The following CCNY variants were observed in gnomAD, a reference collection of about 807,000 sequenced individuals.
CCNY encodes cyclin Y, also known as cyclin-Y.
CCNY carries 19 observed loss-of-function variants against 42.8 expected under a neutral mutation model. The ratio of observed to expected loss-of-function variants is 0.44; its 90% confidence interval spans 0.31 to 0.65. The LOEUF (loss-of-function observed/expected upper bound fraction) is 0.65, where lower values mean the gene tolerates loss of function less well. CCNY is among the 30% of genes least tolerant of loss of function. The pLI is 0.07. For missense variants in CCNY, 370 were observed against 437.3 expected (o/e 0.85, Z 1.37); for synonymous variants, 165 against 162.7 (o/e 1.01, Z -0.11).
intron 1 of CCNY, among the ~76,000 whole-genome samples, chr10:35,394,562 C>T (rs1190458654): frequency 6.6e-6 from 1 of 152,186 alleles, no homozygotes; most frequent in Non-Finnish European, 1.5e-5. Flanking sequence ...ACACGGCCGG[C>T]TTCAAGGCAT....
chr10:35,406,884 G>A (rs762106151), intron 1 of CCNY, among the ~76,000 whole-genome samples: 4 of 151,828 alleles, frequency 2.6e-5, no homozygotes, highest in African/African-American at 9.7e-5. Context: ...CTCCGTCCCC[G>A]TCGGGGCGGC....
intron 1 of CCNY, among the ~76,000 whole-genome samples, chr10:35,429,526 C>A (rs903905301): frequency 2.6e-5 from 4 of 152,144 alleles, no homozygotes; most frequent in African/African-American, 9.7e-5. Context: ...TGACATGTGT[C>A]ATCCTAGGGT....
chr10:35,553,482 T>C (rs1219797206), intron 8 of CCNY, among the ~76,000 whole-genome samples: 3 of 152,226 alleles, frequency 2.0e-5, no homozygotes, highest in African/African-American at 7.2e-5. Context: ...GGTCCAGCAC[T>C]GATAGCAGCC....
intron 1 of CCNY, among the ~76,000 whole-genome samples, chr10:35,425,512 A>T (rs1838246879): frequency 6.6e-6 from 1 of 152,224 alleles, no homozygotes; most frequent in South Asian, 2.1e-4. Flanking sequence ...GAGTTATGGT[A>T]CATTCATAGA....
intron 3 of CCNY, among the ~76,000 whole-genome samples, chr10:35,512,625 A>T (rs933982139): frequency 7.5e-4 from 114 of 152,294 alleles, no homozygotes; most frequent in African/African-American, 2.7e-3. Flanking sequence ...TCAGAAAGAC[A>T]TTTTGAAGAA....
rs543872717 is a variant in CCNY, at chr10:35,259,775, G to A, written c.-9+9149G>A. ...GATCCGCCTGCCTCGGCCTCCCAAA[G>A]TGCTGGGATTACAGGCTTGAGCCAC... On this transcript the variant is annotated intron_variant, in intron 3 of 11. Transcript: ENST00000374706. 5.4e-5 allele frequency among the ~76,000 whole-genome samples: 8 copies of A among 149,468 alleles called. No individual in the cohort carries two copies. In the East Asian group the frequency reaches 7.9e-4, roughly 15 times the overall value.
chr10:35,549,521 C>T (rs113302920), intron 7 of CCNY, among the ~76,000 whole-genome samples: 7 of 127,898 alleles, frequency 5.5e-5, no homozygotes, highest in African/African-American at 9.0e-5. Context: ...CGTGACCCTG[C>T]GCTGCTCATG....
intron 7 of CCNY, among the ~76,000 whole-genome samples, chr10:35,536,877 C>T (rs758775171): frequency 2.6e-5 from 4 of 152,164 alleles, no homozygotes; most frequent in Non-Finnish European, 4.4e-5. Flanking sequence ...AGAAAAGAAA[C>T]ACCATTTTCT....
intron 3 of CCNY, among the ~76,000 whole-genome samples, chr10:35,288,951 C>T (rs1342499937): frequency 1.3e-5 from 2 of 152,148 alleles, no homozygotes; most frequent in African/African-American, 2.4e-5. Flanking sequence ...ATTCAATGTA[C>T]ATTTTAGAAT....
intron 3 of CCNY, among the ~76,000 whole-genome samples, chr10:35,258,933 TAA>T (rs56328003): frequency 1.9e-4 from 26 of 135,668 alleles, no homozygotes; most frequent in Non-Finnish European, 2.4e-4. Context: ...GAGACTGTCT[TAA>T]AAAAAAAAAA....
rs1335044093 is a variant in CCNY at position 35,466,486 on chromosome 10, G to T, written c.155-16918G>T. ...GTGATGATCAGGTATGGCAGCTAGC[G>T]AGAGCTTGCCAGTCCCAGTGTTGTG... On this transcript the variant is annotated intron_variant, in intron 1 of 9. Transcript: ENST00000374704. 3.9e-5 allele frequency among the ~76,000 whole-genome samples: 6 copies of T among 152,188 alleles called. No homozygotes were observed. In the East Asian group the frequency reaches 7.7e-4, roughly 20 times the overall value.
At chr10:35,501,375 A>G in intron 2 of CCNY, 126 bp from the exon 3 acceptor site, 1 of 744,702 alleles carries the variant, frequency 1.3e-6, no homozygotes, top group Admixed American at 1.9e-5. Context: ...TGTTTGATAA[A>G]TGAGCAAGTG....
At chr10:35,505,528 A>G (rs954023531) in intron 3 of CCNY, among the ~76,000 whole-genome samples, 2 of 152,182 alleles carry the variant, frequency 1.3e-5, no homozygotes, top group South Asian at 2.1e-4. Flanking sequence ...CATTATTATT[A>G]GTGGGACTTG....
intron 8 of CCNY, among the ~76,000 whole-genome samples, chr10:35,555,066 C>T (rs995058480): frequency 6.6e-6 from 1 of 152,178 alleles, no homozygotes; most frequent in Admixed American, 6.5e-5. Flanking sequence ...GAGGTACACA[C>T]TGCCCAGTTC....
At chr10:35,297,257 C>T (rs1416588699) in intron 3 of CCNY, among the ~76,000 whole-genome samples, 1 of 151,874 alleles carries the variant, frequency 6.6e-6, no homozygotes, top group Non-Finnish European at 1.5e-5. Flanking sequence ...AAACAAAAAG[C>T]ATAATGATCT....
At chr10:35,371,997 A>T (rs1252842879) in intron 1 of CCNY, among the ~76,000 whole-genome samples, 1 of 152,192 alleles carries the variant, frequency 6.6e-6, no homozygotes, top group Non-Finnish European at 1.5e-5. Flanking sequence ...CAAGGTTATA[A>T]AGGATGCAGC....
At chr10:35,486,607 T>A (rs1013328393) in intron 2 of CCNY, among the ~76,000 whole-genome samples, 3 of 152,210 alleles carry the variant, frequency 2.0e-5, no homozygotes, top group African/African-American at 7.2e-5. Context: ...ATTGTGCCAC[T>A]GGCTTCCTTA....
chr10:35,289,295 T>G (rs776446434), intron 3 of CCNY: 2 of 152,204 alleles, frequency 1.3e-5, no homozygotes, highest in African/African-American at 2.4e-5. Context: ...TTTTTTAGGA[T>G]TTTCCACACA....
At chr10:35,291,873 C>T (rs1835417882) in intron 3 of CCNY, among the ~76,000 whole-genome samples, 2 of 152,090 alleles carry the variant, frequency 1.3e-5, no homozygotes, top group African/African-American at 4.8e-5. Flanking sequence ...TTTTATTTCT[C>T]TTGGGCATAT....
Sources: gnomAD v4.1 joint callset for allele counts (sites outside exome capture counted in the v4.1 genomes callset) on GRCh38, gnomAD v4.1.1 for gene constraint, MANE v1.5 for transcripts, NCBI Gene and HGNC (gene_info 2026-07-23, HGNC 2026-07-21) for gene names.